The following CAST variants were observed in gnomAD, a reference collection of about 807,000 sequenced individuals.
The protein encoded by CAST is MIR583 host.
CAST carries 76 observed loss-of-function variants against 119.6 expected under a neutral mutation model. The observed-to-expected ratio is 0.64, with a 90% CI of 0.53 to 0.77. CAST has a LOEUF of 0.77. Ranked by LOEUF, CAST falls within the 30% of genes least tolerant of loss-of-function variation. The pLI is 0.00. For missense variants in CAST, 953 were observed against 946.5 expected (o/e 1.01, Z -0.09); for synonymous variants, 319 against 331.6 (o/e 0.96, Z 0.41).
the CAST span, among the ~76,000 whole-genome samples, chr5:96,084,197 C>A: frequency 6.6e-6 from 1 of 151,856 alleles, no homozygotes; most frequent in African/African-American, 2.4e-5. Flanking sequence ...TAATAAAGTT[C>A]CAATATTGTT....
At chr5:96,265,350 A>C in the CAST span, among the ~76,000 whole-genome samples, 1 of 152,054 alleles carries the variant, frequency 6.6e-6, no homozygotes, top group Non-Finnish European at 1.5e-5. Context: ...ATGTATACAT[A>C]TGTAGTAAAT....
chr5:96,488,995 A>G, the CAST span, among the ~76,000 whole-genome samples: 3 of 152,240 alleles, frequency 2.0e-5, no homozygotes, highest in Non-Finnish European at 4.4e-5. Flanking sequence ...AAGAGGGCAT[A>G]GAATGGAGAC....
the CAST span, among the ~76,000 whole-genome samples, chr5:96,069,023 A>C: frequency 6.6e-6 from 1 of 151,478 alleles, no homozygotes; most frequent in African/African-American, 2.4e-5. Context: ...GTGTATAACC[A>C]GATGTATATG....
At chr5:96,720,871 T>A (rs930733615) in intron 3 of CAST, among the ~76,000 whole-genome samples, 2 of 151,962 alleles carry the variant, frequency 1.3e-5, no homozygotes, top group African/African-American at 4.8e-5. Flanking sequence ...TCACATAGAG[T>A]GTTTGGTTTC....
the CAST span, chr5:96,429,212 C>T: frequency 3.5e-6 from 5 of 1,431,100 alleles, no homozygotes; most frequent in African/African-American, 5.6e-5. Flanking sequence ...ACAACACTTA[C>T]ACGATCATCA....
the CAST span, among the ~76,000 whole-genome samples, chr5:96,286,487 C>T: frequency 8.5e-5 from 13 of 152,144 alleles, no homozygotes; most frequent in East Asian, 1.5e-3. Flanking sequence ...GAGAATGAGC[C>T]GTTAAAGGGA....
At chr5:96,083,026 A>G in the CAST span, among the ~76,000 whole-genome samples, 1 of 152,234 alleles carries the variant, frequency 6.6e-6, no homozygotes, top group Non-Finnish European at 1.5e-5. Context: ...AGTGTTCTCC[A>G]TAGCATAGGG....
chr5:95,983,341 C>A, the CAST span, among the ~76,000 whole-genome samples: 1 of 152,168 alleles, frequency 6.6e-6, no homozygotes, highest in Non-Finnish European at 1.5e-5. Context: ...CTTACCTATG[C>A]ATATATTAGA....
chr5:96,743,596 A>G (rs1428437848), intron 16 of CAST: 5 of 1,603,766 alleles, frequency 3.1e-6, no homozygotes, highest in Non-Finnish European at 3.4e-6. Context: ...TCCAGCAACA[A>G]TCCTTGAGTC....
chr5:96,613,570 G>A (rs1253620823), intron 1 of CAST, among the ~76,000 whole-genome samples: 5 of 152,156 alleles, frequency 3.3e-5, no homozygotes, highest in Admixed American at 2.6e-4. Context: ...AGTCAGTGAT[G>A]GGGACGGGAT....
At chr5:96,651,402 A>G (rs1748093251) in intron 1 of CAST, among the ~76,000 whole-genome samples, 1 of 152,172 alleles carries the variant, frequency 6.6e-6, no homozygotes, top group South Asian at 2.1e-4. Context: ...TTAAGACATC[A>G]TTACTTGGTT....
intron 3 of CAST, among the ~76,000 whole-genome samples, chr5:96,696,572 C>T (rs972745305): frequency 6.6e-6 from 1 of 151,640 alleles, no homozygotes; most frequent in Admixed American, 6.6e-5. Flanking sequence ...CACAGTGGCT[C>T]ATGCCTGTAA....
chr5:96,526,890 A>G (rs1366869620), upstream of CAST, among the ~76,000 whole-genome samples: 2 of 152,208 alleles, frequency 1.3e-5, no homozygotes, highest in Non-Finnish European at 2.9e-5. Flanking sequence ...GAGGATTTCA[A>G]TGTTTAAAGG....
At chr5:96,255,594 A>C in the CAST span, among the ~76,000 whole-genome samples, 1 of 152,068 alleles carries the variant, frequency 6.6e-6, no homozygotes, top group Admixed American at 6.6e-5. Flanking sequence ...GTGGAACACT[A>C]TGAAAGTTGC....
the CAST span, among the ~76,000 whole-genome samples, chr5:95,962,409 C>G: frequency 6.6e-6 from 1 of 152,158 alleles, no homozygotes; most frequent in Non-Finnish European, 1.5e-5. Flanking sequence ...AGCTGCTCCT[C>G]AAAACTCCTA....
chr5:96,646,957 C>T (rs1258402170), intron 1 of CAST, among the ~76,000 whole-genome samples: 4 of 152,158 alleles, frequency 2.6e-5, no homozygotes, highest in African/African-American at 9.7e-5. Flanking sequence ...CTCTCTGTTG[C>T]GGACTACCAA....
At chr5:96,697,805 G>C (rs927897596) in intron 3 of CAST, among the ~76,000 whole-genome samples, 22 of 152,164 alleles carry the variant, frequency 1.4e-4, no homozygotes, top group African/African-American at 5.1e-4. Flanking sequence ...TCTTGTCAGG[G>C]CTGTTGAGAG....
chr5:96,164,212 T>C, the CAST span, among the ~76,000 whole-genome samples: 1 of 152,252 alleles, frequency 6.6e-6, no homozygotes, highest in South Asian at 2.1e-4. Context: ...TATGTACATT[T>C]ATATACAAGG....
the CAST span, among the ~76,000 whole-genome samples, chr5:96,233,774 G>C: frequency 6.6e-6 from 1 of 152,058 alleles, no homozygotes; most frequent in Admixed American, 6.6e-5. Flanking sequence ...GTATAGTTTC[G>C]ACTGTAAGAT....
Sources: gnomAD v4.1 joint callset for allele counts (sites outside exome capture counted in the v4.1 genomes callset) on GRCh38, gnomAD v4.1.1 for gene constraint, MANE v1.5 for transcripts, NCBI Gene and HGNC (gene_info 2026-07-23, HGNC 2026-07-21) for gene names.